ANOS1: variants seen among roughly 807,000 people sequenced by gnomAD.
ANOS1 encodes the protein anosmin 1.
A neutral mutation model predicts 59.0 loss-of-function variants in ANOS1; 6 were observed. The ratio of observed to expected loss-of-function variants is 0.10; its 90% CI spans 0.06 to 0.20. The LOEUF (loss-of-function observed/expected upper bound fraction) is 0.20. Among genes scored for constraint, ANOS1 ranks in the 10% least tolerant of loss-of-function variants. ANOS1 has a pLI of 1.00. For missense variants in ANOS1, 433 were observed against 542.3 expected (o/e 0.80, Z 2.00); for synonymous variants, 217 against 223.4 (o/e 0.97, Z 0.25).
intron 9 of ANOS1, among the ~76,000 whole-genome samples, chrX:8,540,903 T>TA (rs1325768704): frequency 9.4e-6 from 1 of 105,860 alleles, no homozygotes; most frequent in African/African-American, 3.5e-5. Flanking sequence ...GTTTATTTTT[T>TA]AAAAAAAGAA....
chrX:8,709,231 A>C (rs7881289), intron 1 of ANOS1, among the ~76,000 whole-genome samples: 49,216 of 106,307 alleles, frequency 0.46, 9,148 homozygotes, highest in African/African-American at 0.61. Flanking sequence ...CAAACCTGAA[A>C]GTTCTGCACA....
chrX:8,628,539 C>T (rs183718959), intron 2 of ANOS1, among the ~76,000 whole-genome samples: 1 of 111,745 alleles, frequency 8.9e-6, no homozygotes, highest in Non-Finnish European at 1.9e-5. Context: ...TGTGACAACC[C>T]CACATCTCTC....
At chrX:8,685,633 AAAG>A (rs1932506523) in intron 2 of ANOS1, among the ~76,000 whole-genome samples, 1 of 105,025 alleles carries the variant, frequency 9.5e-6, no homozygotes, top group Non-Finnish European at 2.0e-5. Context: ...AGAAAGAAAG[AAAG>A]AAAGAAAGAA....
intron 2 of ANOS1, among the ~76,000 whole-genome samples, chrX:8,656,034 C>G (rs1003373137): frequency 1.8e-5 from 2 of 112,029 alleles, no homozygotes; most frequent in African/African-American, 6.5e-5. Context: ...ATCACACACA[C>G]GAGCATTAGG....
intron 2 of ANOS1, among the ~76,000 whole-genome samples, chrX:8,693,338 T>C (rs1167295109): frequency 9.0e-6 from 1 of 111,724 alleles, no homozygotes; most frequent in Non-Finnish European, 1.9e-5. Context: ...CAGTGGTCTG[T>C]ATCACCTATG....
intron 9 of ANOS1, among the ~76,000 whole-genome samples, chrX:8,549,916 G>A (rs1186813972): frequency 8.9e-6 from 1 of 111,889 alleles, no homozygotes; most frequent in Non-Finnish European, 1.9e-5. Flanking sequence ...ATCTGACCAG[G>A]GATGTCTTCA....
chrX:8,729,296 G>C (rs949475777), intron 1 of ANOS1, among the ~76,000 whole-genome samples: 22 of 110,041 alleles, frequency 2.0e-4, no homozygotes, highest in African/African-American at 7.3e-4. Context: ...TGCAGGAGTT[G>C]GGGGCGGGGG....
At chrX:8,551,553 C>T (rs1429759663) in intron 9 of ANOS1, among the ~76,000 whole-genome samples, 2 of 109,083 alleles carry the variant, frequency 1.8e-5, no homozygotes, top group African/African-American at 6.7e-5. Context: ...ATAGGAGAAT[C>T]GCTTGAACCC....
chrX:8,678,658 T>C (rs763492774), intron 2 of ANOS1, among the ~76,000 whole-genome samples: 1 of 111,577 alleles, frequency 9.0e-6, no homozygotes, highest in Admixed American at 9.5e-5. Flanking sequence ...ATGAGGAAAA[T>C]GACAGCTACT....
At chrX:8,703,869 A>C (rs749974357) in intron 1 of ANOS1, among the ~76,000 whole-genome samples, 2 of 111,836 alleles carry the variant, frequency 1.8e-5, no homozygotes, top group East Asian at 5.6e-4. Flanking sequence ...TTAAAACAAA[A>C]ATAAAGGATT....
intron 10 of ANOS1, among the ~76,000 whole-genome samples, 171 bp from the exon 11 acceptor site, chrX:8,537,113 G>C (rs1929608572): frequency 1.8e-5 from 2 of 111,629 alleles, no homozygotes; most frequent in African/African-American, 6.5e-5. Context: ...TTTGATTAAT[G>C]ACAATTGTGA....
At chrX:8,685,584 A>G (rs139426829) in intron 2 of ANOS1, among the ~76,000 whole-genome samples, 8 of 74,311 alleles carry the variant, frequency 1.1e-4, no homozygotes, top group Non-Finnish European at 1.9e-4. Flanking sequence ...GAAGGAAAGA[A>G]AGAGAAAGAA....
In ANOS1 at chrX:8,580,192, T is replaced by A. The variant is rs1401904377; in HGVS notation, c.856+5075A>T. Among the ~76,000 whole-genome samples the A allele has an allele frequency of 5.3e-5, 6 of 112,349 alleles. No individual in the cohort carries two copies. The Admixed American group carries it at 5.7e-4, about 11-fold the overall frequency. Reference sequence around the variant, plus strand: ...AATGACCTGTGAAGGTAACTTACTATGTGCAAAGATGCAGTCCCACATTCT... The same window carrying A: ...AATGACCTGTGAAGGTAACTTACTAAGTGCAAAGATGCAGTCCCACATTCT... On this transcript the variant is annotated intron_variant, in intron 6 of 13. Transcript: ENST00000262648.
chrX:8,677,304 G>A (rs778543722), intron 2 of ANOS1, among the ~76,000 whole-genome samples: 1 of 111,585 alleles, frequency 9.0e-6, no homozygotes, highest in Admixed American at 9.6e-5. Context: ...TCTCGACATT[G>A]CCAGATATCC....
chrX:8,536,654 T>C (rs1483938942), intron 11 of ANOS1, 117 bp downstream of exon 11: 1 of 565,807 alleles, frequency 1.8e-6, no homozygotes. Flanking sequence ...ATAACACAAC[T>C]TAGAAAGAGA....
chrX:8,662,374 C>T (rs1158329618), intron 2 of ANOS1, among the ~76,000 whole-genome samples: 6 of 111,853 alleles, frequency 5.4e-5, no homozygotes, highest in African/African-American at 9.7e-5. Flanking sequence ...CCGGGTTCTG[C>T]GTATAACACC....
At chrX:8,713,799 G>A (rs1441835754) in intron 1 of ANOS1, among the ~76,000 whole-genome samples, 1 of 110,123 alleles carries the variant, frequency 9.1e-6, no homozygotes, top group African/African-American at 3.3e-5. Flanking sequence ...TTTTAGTAGA[G>A]ACGGGGTTTC....
chrX:8,728,037 CT>C (rs1379625173), intron 1 of ANOS1, among the ~76,000 whole-genome samples: 2 of 112,313 alleles, frequency 1.8e-5, no homozygotes, highest in African/African-American at 3.2e-5. Flanking sequence ...TTAACAAACA[CT>C]TTTTTTCTTG....
chrX:8,629,493 C>G (rs776762193), intron 2 of ANOS1, among the ~76,000 whole-genome samples: 135 of 111,736 alleles, frequency 1.2e-3, no homozygotes, highest in Non-Finnish European at 8.1e-4. Context: ...AAGTACTTTG[C>G]AAATCCATGG....
Sources: gnomAD v4.1 joint callset for allele counts (sites outside exome capture counted in the v4.1 genomes callset) on GRCh38, gnomAD v4.1.1 for gene constraint, MANE v1.5 for transcripts, NCBI Gene and HGNC (gene_info 2026-07-23, HGNC 2026-07-21) for gene names.